The following ANXA4 variants were observed in gnomAD, a reference collection of about 807,000 sequenced individuals.
The protein encoded by ANXA4 is 35-beta calcimedin.
In ANXA4, 39 loss-of-function variants were observed where a neutral mutation model predicts 49.8. The observed-to-expected ratio is 0.78, with a 90% CI of 0.61 to 1.02. The LOEUF (loss-of-function observed/expected upper bound fraction) is 1.02. Among genes scored for constraint, ANXA4 ranks in the 50% least tolerant of loss-of-function variants. The probability of loss-of-function intolerance (pLI) is 0.00; values close to 1 mark genes in which losing one functional copy is unlikely to be tolerated. For missense variants in ANXA4, 360 were observed against 410.1 expected, an observed-to-expected ratio of 0.88 and a Z score of 1.05; for synonymous variants, 134 against 152.5, an observed-to-expected ratio of 0.88 and a Z score of 0.89.
At chr2:69,658,420 A>G (rs1676587633) in intron 2 of ANXA4, among the ~76,000 whole-genome samples, 2 of 148,896 alleles carry the variant, frequency 1.3e-5, no homozygotes, top group South Asian at 4.2e-4. Context: ...AAAAAAAAGC[A>G]AACAATAGAA....
intron 2 of ANXA4, among the ~76,000 whole-genome samples, chr2:69,673,477 G>A (rs1421083051): frequency 1.4e-5 from 2 of 147,264 alleles, no homozygotes; most frequent in African/African-American, 2.5e-5. Context: ...CACAAGGAGG[G>A]GAACATCACA....
At chr2:69,769,137 C>A (rs934176672) in intron 1 of ANXA4, among the ~76,000 whole-genome samples, 3 of 152,186 alleles carry the variant, frequency 2.0e-5, no homozygotes, top group African/African-American at 7.2e-5. Context: ...GGAAGCTGCA[C>A]ATTTATAAAG....
intron 2 of ANXA4, among the ~76,000 whole-genome samples, chr2:69,716,509 C>T (rs1316340618): frequency 6.6e-6 from 1 of 152,070 alleles, no homozygotes; most frequent in Admixed American, 6.6e-5. Context: ...CGGGCGAGAG[C>T]CACATCAGGG....
chr2:69,720,737 G>A (rs1398823454), intron 2 of ANXA4: 2 of 152,242 alleles, frequency 1.3e-5, no homozygotes, highest in African/African-American at 4.8e-5. Flanking sequence ...GAAATACCCA[G>A]AGGAGGGGTC....
intron 2 of ANXA4, among the ~76,000 whole-genome samples, chr2:69,708,316 C>G (rs1678563908): frequency 6.6e-6 from 1 of 152,148 alleles, no homozygotes; most frequent in Non-Finnish European, 1.5e-5. Flanking sequence ...TTTCTAGAGC[C>G]TTCCGCAACT....
chr2:69,734,648 C>A (rs1318620802), intron 3 of ANXA4, among the ~76,000 whole-genome samples: 1 of 151,272 alleles, frequency 6.6e-6, no homozygotes, highest in South Asian at 2.1e-4. Context: ...ATAAAAGGAG[C>A]CAAAAAAATC....
chr2:69,704,519 G>T (rs778995908), intron 2 of ANXA4, among the ~76,000 whole-genome samples: 16 of 152,188 alleles, frequency 1.1e-4, no homozygotes, highest in Non-Finnish European at 2.2e-4. Flanking sequence ...ATAGACGAGA[G>T]TGGCTTCACT....
chr2:69,669,955 C>T (rs964296499), intron 2 of ANXA4, among the ~76,000 whole-genome samples: 4 of 152,110 alleles, frequency 2.6e-5, no homozygotes, highest in Non-Finnish European at 5.9e-5. Flanking sequence ...GTTATCTTGC[C>T]TCTGGGAAGA....
At chr2:69,694,986 T>C (rs962955242) in intron 2 of ANXA4, among the ~76,000 whole-genome samples, 20 of 151,762 alleles carry the variant, frequency 1.3e-4, no homozygotes, top group Admixed American at 2.6e-4. Flanking sequence ...CTACAAAAAG[T>C]ACAAAAATTA....
At chr2:69,727,447 T>C (rs996029996) in intron 3 of ANXA4, among the ~76,000 whole-genome samples, 2 of 152,204 alleles carry the variant, frequency 1.3e-5, no homozygotes, top group African/African-American at 2.4e-5. Context: ...GACATTCTGG[T>C]GTGTGCAGCA....
At chr2:69,704,321 GTAAC>G (rs1481226597) in intron 2 of ANXA4, among the ~76,000 whole-genome samples, 4 of 152,134 alleles carry the variant, frequency 2.6e-5, no homozygotes, top group Non-Finnish European at 5.9e-5. Flanking sequence ...TATACAAAAA[GTAAC>G]TAACTACTTT....
At chr2:69,747,088 G>T (rs749727644) in intron 1 of ANXA4, among the ~76,000 whole-genome samples, 7 of 152,020 alleles carry the variant, frequency 4.6e-5, no homozygotes, top group South Asian at 2.1e-4. Context: ...AGAACAAGCA[G>T]CCTGACATGT....
chr2:69,647,512 G>A (rs958266710), intron 1 of ANXA4, among the ~76,000 whole-genome samples: 69 of 151,868 alleles, frequency 4.5e-4, no homozygotes, highest in African/African-American at 1.4e-3. Context: ...AGGCTCCAGC[G>A]ATTCTTGTGC....
rs565450934 is a variant in ANXA4 at position 69,823,908 on chromosome 2, G to A, written c.907-1548G>A. Among the ~76,000 whole-genome samples, 8 of 152,004 alleles carry A rather than the reference G, an allele frequency of 5.3e-5. No individual in the cohort carries two copies. In the South Asian group the frequency reaches 1.5e-3, roughly 28 times the overall value. On this transcript the variant is annotated intron_variant, in intron 12 of 12. Coordinates refer to ENST00000394295, the MANE Select transcript of ANXA4 (RefSeq NM_001153.5). ...AGATTCCATCTTTTCTAGTCCCCACGAATGACTAATAAAAATTAATCTAGG... is the reference window on the plus strand; with the variant it reads ...AGATTCCATCTTTTCTAGTCCCCACAAATGACTAATAAAAATTAATCTAGG...
chr2:69,693,762 G>A (rs1286117132), intron 2 of ANXA4, among the ~76,000 whole-genome samples: 1 of 152,162 alleles, frequency 6.6e-6, no homozygotes, highest in Non-Finnish European at 1.5e-5. Flanking sequence ...TTAACAAGGG[G>A]CAGTAGCTAT....
intron 1 of ANXA4, among the ~76,000 whole-genome samples, chr2:69,756,278 G>A (rs771406987): frequency 1.3e-5 from 2 of 152,116 alleles, no homozygotes; most frequent in East Asian, 1.9e-4. Flanking sequence ...GCCTTGGGGC[G>A]TTTTTGCTGT....
intron 12 of ANXA4, among the ~76,000 whole-genome samples, chr2:69,823,040 T>C (rs1354031639): frequency 6.7e-6 from 1 of 150,332 alleles, no homozygotes; most frequent in East Asian, 1.9e-4. Context: ...TGGCTTTATG[T>C]TATTTATATT....
chr2:69,656,337 A>G (rs199868821), intron 2 of ANXA4, among the ~76,000 whole-genome samples: 1 of 92,996 alleles, frequency 1.1e-5, no homozygotes, highest in Non-Finnish European at 1.8e-5. Flanking sequence ...ATATATGTGT[A>G]TATATATGTG....
At chr2:69,690,187 C>G (rs1196879236) in intron 2 of ANXA4, among the ~76,000 whole-genome samples, 1 of 152,076 alleles carries the variant, frequency 6.6e-6, no homozygotes, top group Non-Finnish European at 1.5e-5. Flanking sequence ...AAATAGAATT[C>G]AGGTGTCTCT....
Sources: allele counts gnomAD v4.1 joint callset (sites outside exome capture counted in the v4.1 genomes callset), GRCh38; gene constraint gnomAD v4.1.1; transcripts MANE v1.5; gene names NCBI Gene and HGNC (gene_info 2026-07-23, HGNC 2026-07-21).